ABCC1: variants seen among roughly 807,000 people sequenced by gnomAD.
The protein encoded by ABCC1 is ATP binding cassette subfamily C member 1 (ABCC1 blood group), also known as multidrug resistance-associated protein 1.
Under a neutral mutation model 172.9 loss-of-function variants are expected in ABCC1, and 83 were observed. The observed-to-expected ratio is 0.48, with a 90% CI of 0.40 to 0.58. The LOEUF is 0.58. Among genes scored for constraint, ABCC1 ranks in the 20% least tolerant of loss-of-function variants. The pLI is 0.00. For synonymous variants in ABCC1, 937 were observed against 825.2 expected, an observed-to-expected ratio of 1.14 and a Z score of -2.32; for missense variants, 1,817 against 2,002.7, an observed-to-expected ratio of 0.91 and a Z score of 1.77.
At chr16:16,069,156 AT>A (rs1288770669) in intron 13 of ABCC1, among the ~76,000 whole-genome samples, 73 of 141,866 alleles carry the variant, frequency 5.1e-4, no homozygotes, top group African/African-American at 1.9e-3. Flanking sequence ...AAAAAATAAA[AT>A]AAAATAAAAT....
chr16:16,045,973 T>TG lies in ABCC1; in HGVS notation c.1179dup (p.Arg394GlufsTer49). 1 of 1,614,154 alleles carries TG rather than the reference T, an allele frequency of 6.2e-7. No individual in the cohort carries two copies. Among genetic ancestry groups the TG allele is most frequent in the Non-Finnish European group, 8.5e-7 (1 of 1,180,014 alleles). ...TTCCACATCTGCTTCGTCAGTGGCA[T>TG]GAGGATCAAGACCGCTGTCATTGGG... is the stretch of plus-strand genomic sequence containing the variant. On this transcript the variant is annotated frameshift_variant, in exon 9 of 31. Transcript: ENST00000399410. LOFTEE classifies it high-confidence loss of function.
chr16:16,049,604 T>G (rs1448380352), intron 10 of ABCC1, among the ~76,000 whole-genome samples: 1 of 152,236 alleles, frequency 6.6e-6, no homozygotes, highest in Non-Finnish European at 1.5e-5. Flanking sequence ...CTCAATTAGA[T>G]GGACTTCTTC....
At position 16,052,737 on chromosome 16, in the gene ABCC1, C is replaced by G. The variant is rs2049482206; in HGVS notation, c.1394C>G (p.Ser465Cys). Residue 465 changes from serine (S) to cysteine (C), a missense_variant, in exon 11 of 31, where the codon TCC (serine) becomes TGC (cysteine). By Grantham distance (112) the Ser-to-Cys change is moderately radical. Transcript: ENST00000399410. ...LYLLWLNLGP[S>C]VLAGVAVMVL... ...TTCCTTCCTTAGAATCTGGGCCCTTCCGTCCTGGCTGGAGTGGCGGTGATG... is the reference window on the plus strand; with the variant it reads ...TTCCTTCCTTAGAATCTGGGCCCTTGCGTCCTGGCTGGAGTGGCGGTGATG... The G allele has an allele frequency of 3.7e-6, 6 of 1,614,160 alleles. No individual in the cohort carries two copies. In the African/African-American group the frequency reaches 5.3e-5, roughly 14 times the overall value.
chr16:16,034,023 C>CTTTTTTTTT (rs10580146), intron 6 of ABCC1, among the ~76,000 whole-genome samples: 2,308 of 86,706 alleles, frequency 0.027, 194 homozygotes, highest in African/African-American at 0.035. Context: ...TAAGCATCAT[C>CTTTTTTTTT]TTTTTTTTTT....
chr16:15,993,680 G>A (rs983051247), intron 1 of ABCC1, among the ~76,000 whole-genome samples: 22 of 144,886 alleles, frequency 1.5e-4, no homozygotes, highest in Admixed American at 3.6e-4. Flanking sequence ...GCACACATCT[G>A]TAAGTGGTGG....
At chr16:15,970,829 A>G (rs977476851) in intron 1 of ABCC1, among the ~76,000 whole-genome samples, 12 of 152,168 alleles carry the variant, frequency 7.9e-5, no homozygotes, top group Non-Finnish European at 1.8e-4. Context: ...CCCTGAGCTC[A>G]AGCCATCTTC....
At chr16:16,130,174 C>T (rs1031174110) in intron 26 of ABCC1, among the ~76,000 whole-genome samples, 1 of 152,226 alleles carries the variant, frequency 6.6e-6, no homozygotes, top group African/African-American at 2.4e-5. Context: ...GACCCTCCCA[C>T]ATGGGGTTGC....
At chr16:15,992,294 A>C (rs1435451460) in intron 1 of ABCC1, among the ~76,000 whole-genome samples, 1 of 152,144 alleles carries the variant, frequency 6.6e-6, no homozygotes, top group Non-Finnish European at 1.5e-5. Context: ...CAATGTAATC[A>C]TAGAAATAAA....
rs567564909 is a variant in ABCC1, at chr16:16,138,626, T to C, written c.4487+68T>C. 2.3e-6 allele frequency: 3 copies of C among 1,304,774 alleles called. No homozygotes were observed. In the South Asian group the frequency reaches 4.9e-5, roughly 21 times the overall value. 80.8% of individuals were successfully genotyped at this position (1,304,774 alleles called of 1,614,324 possible). A position where few individuals can be genotyped will look rare whatever the true frequency, so the allele number is the denominator to read the frequency against. On this transcript the variant is annotated intron_variant, in intron 30 of 30. Coordinates refer to ENST00000399410, the MANE Select transcript of ABCC1 (RefSeq NM_004996.4). ...CCTTACTCACTGGCTCACTCATTAATTCATTAATTCATTCAACACTGTCCT... is the reference window on the plus strand; with the variant it reads ...CCTTACTCACTGGCTCACTCATTAACTCATTAATTCATTCAACACTGTCCT...
rs549783139 is a variant in ABCC1, at chr16:16,111,791, C to T, written c.3079+209C>T. ...TGTTCATATGGGCCTTGGTGGTAGACGGGAGGAGTGCTCCAGTGTGCCCAT... is the reference window on the plus strand; with the variant it reads ...TGTTCATATGGGCCTTGGTGGTAGATGGGAGGAGTGCTCCAGTGTGCCCAT... On this transcript the variant is annotated intron_variant, in intron 22 of 30. Coordinates refer to ENST00000399410, the MANE Select transcript of ABCC1 (RefSeq NM_004996.4). Among the ~76,000 whole-genome samples the T allele has an allele frequency of 3.0e-4, 45 of 152,124 alleles. 1 individual carries two copies. The South Asian group carries it at 6.0e-3, about 20-fold the overall frequency.
In ABCC1 at chr16:16,088,343, G is replaced by C. The variant is rs929684242; in HGVS notation, c.2460+1352G>C. Among the ~76,000 whole-genome samples the C allele has an allele frequency of 9.2e-5, 14 of 152,308 alleles. No homozygotes were observed. The East Asian group carries it at 2.3e-3, about 25-fold the overall frequency. ...GGCTGTAATCCCAGCTACTCGGGAA[G>C]CTGAGGCCGGAGAATGTCTTGAACC... is the stretch of plus-strand genomic sequence containing the variant. On this transcript the variant is annotated intron_variant, in intron 18 of 30. Coordinates refer to ENST00000399410, the MANE Select transcript of ABCC1 (RefSeq NM_004996.4).
At chr16:15,952,126 A>T (rs2045887959) in intron 1 of ABCC1, among the ~76,000 whole-genome samples, 1 of 152,248 alleles carries the variant, frequency 6.6e-6, no homozygotes, top group Non-Finnish European at 1.5e-5. Context: ...ATTGGACAGG[A>T]GCCAAAAATG....
chr16:16,049,306 G>A (rs1273425790), intron 10 of ABCC1, among the ~76,000 whole-genome samples: 2 of 152,142 alleles, frequency 1.3e-5, no homozygotes, highest in Non-Finnish European at 2.9e-5. Context: ...ATTCACACCC[G>A]TGAACCAATC....
chr16:16,101,541 G>A (rs1449391815), intron 19 of ABCC1, among the ~76,000 whole-genome samples: 1 of 152,118 alleles, frequency 6.6e-6, no homozygotes, highest in African/African-American at 2.4e-5. Flanking sequence ...CATGTTCCCA[G>A]GGTCACCCTG....
intron 5 of ABCC1, 113 bp from the exon 6 acceptor site, chr16:16,032,996 A>T: frequency 1.0e-6 from 1 of 1,003,420 alleles, no homozygotes; most frequent in Non-Finnish European, 1.6e-6. Context: ...AGCTGACGCT[A>T]GTCCTCTGGA....
chr16:16,060,880 G>A (rs1418225786), intron 12 of ABCC1, among the ~76,000 whole-genome samples: 2 of 150,464 alleles, frequency 1.3e-5, no homozygotes, highest in Admixed American at 6.6e-5. Flanking sequence ...GCATTGGCAC[G>A]ATCTCAGCTC....
intron 1 of ABCC1, among the ~76,000 whole-genome samples, chr16:15,954,768 C>T (rs1309220652): frequency 6.6e-6 from 1 of 151,946 alleles, no homozygotes; most frequent in African/African-American, 2.4e-5. Flanking sequence ...GGAGGGGGTG[C>T]CTCGCCTTTG....
intron 13 of ABCC1, among the ~76,000 whole-genome samples, chr16:16,069,330 C>T (rs921420320): frequency 2.0e-5 from 3 of 151,872 alleles, no homozygotes; most frequent in Non-Finnish European, 4.4e-5. Flanking sequence ...GTCATAGTCT[C>T]ACCACTACAC....
chr16:16,076,700 A>G (rs928165357), intron 15 of ABCC1, among the ~76,000 whole-genome samples: 3 of 152,274 alleles, frequency 2.0e-5, no homozygotes, highest in African/African-American at 7.2e-5. Flanking sequence ...GGGAAGTTCT[A>G]CTTTCAGGTG....
Sources: allele counts gnomAD v4.1 joint callset (sites outside exome capture counted in the v4.1 genomes callset), GRCh38; gene constraint gnomAD v4.1.1; transcripts MANE v1.5; gene names NCBI Gene and HGNC (gene_info 2026-07-23, HGNC 2026-07-21).